Variants in CAPN8 observed in about 807,000 individuals in gnomAD.
CAPN8 encodes the protein calpain-8.
A neutral mutation model predicts 80.9 loss-of-function variants in CAPN8; 87 were observed. The observed-to-expected ratio is 1.07, with a 90% CI of 0.90 to 1.28. CAPN8 has a LOEUF of 1.28. Among genes scored for constraint, CAPN8 ranks in the 50% most tolerant of loss-of-function variants. CAPN8 has a pLI of 0.00. For missense variants in CAPN8, 757 were observed against 702.0 expected (o/e 1.08, Z -0.89); for synonymous variants, 299 against 273.8 (o/e 1.09, Z -0.91).
chr1:223,544,626 G>A (rs1172317134), intron 18 of CAPN8, 146 bp downstream of exon 18: 2 of 1,085,532 alleles, frequency 1.8e-6, no homozygotes, highest in Non-Finnish European at 2.6e-6. Context: ...GGACAGGGAA[G>A]GTACTCAACA....
At position 223,633,783 on chromosome 1, in the gene CAPN8, G is replaced by A. The variant is rs76194020; in HGVS notation, c.308-5003C>T. 6.4e-3 allele frequency among the ~76,000 whole-genome samples: 975 copies of A among 152,212 alleles called. 15 individuals carry two copies. Among genetic ancestry groups the A allele is most frequent in the African/African-American group, 0.021 (860 of 41,536 alleles). ...ACATTAAAATCAAAGCTTAAAGGTCGGGATGTCTAATGTTATTATAAACTG... is the reference window on the plus strand; with the variant it reads ...ACATTAAAATCAAAGCTTAAAGGTCAGGATGTCTAATGTTATTATAAACTG... On this transcript the variant is annotated intron_variant, in intron 2 of 20. Transcript: ENST00000366872.
At chr1:223,542,369 C>T (rs915860824) in intron 20 of CAPN8, among the ~76,000 whole-genome samples, 1 of 152,130 alleles carries the variant, frequency 6.6e-6, no homozygotes, top group Non-Finnish European at 1.5e-5. Context: ...ACACTATTGT[C>T]CAGGTATCTG....
At chr1:223,642,574 G>C in intron 2 of CAPN8, 1 of 326,336 alleles carries the variant, frequency 3.1e-6, no homozygotes, top group South Asian at 2.5e-5. Flanking sequence ...GGGGTCTTCG[G>C]CTTCCAGGAG....
chr1:223,642,543 C>G (rs923881889), intron 2 of CAPN8: 4 of 296,802 alleles, frequency 1.3e-5, no homozygotes, highest in East Asian at 9.6e-5. Flanking sequence ...GGCATTTGGC[C>G]GAGGACTATT....
At chr1:223,637,181 A>G (rs373035510) in intron 2 of CAPN8, among the ~76,000 whole-genome samples, 1 of 152,108 alleles carries the variant, frequency 6.6e-6, no homozygotes, top group African/African-American at 2.4e-5. Context: ...TTCCCTCCAA[A>G]TGATACAGAT....
Position 223,634,342 on chromosome 1 carries a change from C to G in CAPN8, c.308-5562G>C, listed in dbSNP as rs531778249. Among the ~76,000 whole-genome samples, 10 of 152,230 alleles carry G rather than the reference C, an allele frequency of 6.6e-5. 1 individual carries two copies. In the South Asian group the frequency reaches 2.1e-3, roughly 32 times the overall value. ...GACCCTGAGGAAATCAGAAGAGACC[C>G]CACAACATGCCAGTCACATCTCCAG... On this transcript the variant is annotated intron_variant, in intron 2 of 20. Coordinates refer to ENST00000366872, the MANE Select transcript of CAPN8 (RefSeq NM_001143962.2).
intron 2 of CAPN8, among the ~76,000 whole-genome samples, chr1:223,651,473 C>T (rs916972373): frequency 6.6e-6 from 1 of 152,182 alleles, no homozygotes; most frequent in Admixed American, 6.5e-5. Context: ...CTCCTGGGCT[C>T]TAAGTAAGCA....
In CAPN8 at chr1:223,620,272, G is replaced by A; in HGVS notation, c.900-6C>T. ...TGTGATTCCACTCTGGTGCACTGAG[G>A]GGAAAACAAGCAGAGATGCTCGCTC... On this transcript the variant is annotated splice_region_variant and splice_polypyrimidine_tract_variant and intron_variant, in intron 7 of 20. Coordinates refer to ENST00000366872, the MANE Select transcript of CAPN8 (RefSeq NM_001143962.2). 1 of 1,551,080 alleles carries A rather than the reference G, an allele frequency of 6.4e-7. No individual in the cohort carries two copies. Among genetic ancestry groups the A allele is most frequent in the Non-Finnish European group, 8.7e-7 (1 of 1,146,526 alleles).
chr1:223,609,726 T>C (rs1366397012), intron 11 of CAPN8, among the ~76,000 whole-genome samples: 1 of 152,190 alleles, frequency 6.6e-6, no homozygotes, highest in East Asian at 1.9e-4. Context: ...TCTGGGAGTG[T>C]GGCATTGATC....
chr1:223,635,070 A>G (rs1403056208), intron 2 of CAPN8, among the ~76,000 whole-genome samples: 1 of 152,268 alleles, frequency 6.6e-6, no homozygotes, highest in African/African-American at 2.4e-5. Context: ...CTGATTGCAC[A>G]TCTGAGTATA....
chr1:223,541,899 G>C, intron 20 of CAPN8, 40 bp from the exon 21 acceptor site: 1 of 1,551,306 alleles, frequency 6.4e-7, no homozygotes, highest in Non-Finnish European at 8.7e-7. Flanking sequence ...TGGCTTCTCA[G>C]GGGCTGGTGT....
chr1:223,625,965 A>T (rs965220145), intron 5 of CAPN8, 77 bp from the exon 6 acceptor site: 15 of 1,173,812 alleles, frequency 1.3e-5, no homozygotes, highest in Non-Finnish European at 1.9e-5. Context: ...TTCCAAGGAC[A>T]CACTACACAG....
chr1:223,549,373 A>G lies in CAPN8; in HGVS notation c.1709T>C (p.Ile570Thr). ...LNEAFSKRTD[I>T]KFDGFNINTC... ...GTTGATGTTGAATCCATCGAATTTT[A>G]TGTCTGTTCCTAAAGATTTAAATAG... Residue 570 changes from isoleucine to threonine, a missense_variant, in exon 16 of 21, where the codon ATA becomes ACA. Coordinates refer to ENST00000366872, the MANE Select transcript of CAPN8 (RefSeq NM_001143962.2). 1 of 1,551,882 alleles carries G rather than the reference A, an allele frequency of 6.4e-7. No individual in the cohort carries two copies. Among genetic ancestry groups the G allele is most frequent in the African/African-American group, 1.4e-5 (1 of 73,174 alleles).
chr1:223,623,548 C>G (rs34580160), intron 6 of CAPN8, among the ~76,000 whole-genome samples: 64,105 of 152,074 alleles, frequency 0.42, 13,642 homozygotes, highest in African/African-American at 0.43. Context: ...GCCCCTTGGG[C>G]CCCTGCACAC....
intron 7 of CAPN8, among the ~76,000 whole-genome samples, chr1:223,621,077 C>T (rs1657376444): frequency 1.3e-5 from 2 of 152,050 alleles, no homozygotes; most frequent in South Asian, 4.2e-4. Context: ...CCAAGCCAGG[C>T]TTTAAGACCC....
At chr1:223,558,455 A>G (rs979974223) in intron 12 of CAPN8, among the ~76,000 whole-genome samples, 6 of 152,202 alleles carry the variant, frequency 3.9e-5, no homozygotes, top group Non-Finnish European at 7.3e-5. Flanking sequence ...CCCAGGGACA[A>G]AAGTGGTAAC....
chr1:223,642,472 C>A (rs1485588900), intron 2 of CAPN8, among the ~76,000 whole-genome samples: 1 of 152,200 alleles, frequency 6.6e-6, no homozygotes, highest in Non-Finnish European at 1.5e-5. Context: ...GCCTCTCAGA[C>A]CTGATAGCAG....
intron 16 of CAPN8, among the ~76,000 whole-genome samples, chr1:223,545,557 C>T (rs374505523): frequency 1.3e-5 from 2 of 152,288 alleles, no homozygotes; most frequent in Admixed American, 6.5e-5. Flanking sequence ...TCTGCAATAT[C>T]GTGAATACCC....
chr1:223,656,670 T>TTTTG (rs1658498308), intron 1 of CAPN8, among the ~76,000 whole-genome samples: 1 of 68,022 alleles, frequency 1.5e-5, no homozygotes, highest in Non-Finnish European at 3.1e-5. Flanking sequence ...CGTTTTGGGT[T>TTTTG]TTTTTGTTTT....
Sources: allele counts gnomAD v4.1 joint callset (sites outside exome capture counted in the v4.1 genomes callset), GRCh38; gene constraint gnomAD v4.1.1; transcripts MANE v1.5; gene names NCBI Gene and HGNC (gene_info 2026-07-23, HGNC 2026-07-21).